Variants in ANK1 observed in about 807,000 individuals in gnomAD.
ANK1 encodes ankyrin-1.
A neutral mutation model predicts 210.4 loss-of-function variants in ANK1; 51 were observed. The ratio of observed to expected loss-of-function variants is 0.24; its 90% CI spans 0.19 to 0.31. ANK1 has a LOEUF of 0.31. ANK1 is among the 10% of genes least tolerant of loss of function. ANK1 has a pLI of 1.00. For synonymous variants in ANK1, 967 were observed against 1,025.9 expected (o/e 0.94, Z 1.10); for missense variants, 2,051 against 2,504.4 (o/e 0.82, Z 3.86).
At chr8:41,811,595 A>T (rs1280887793) in intron 1 of ANK1, among the ~76,000 whole-genome samples, 1 of 152,070 alleles carries the variant, frequency 6.6e-6, no homozygotes, top group Non-Finnish European at 1.5e-5. Flanking sequence ...CCTGGCTCAG[A>T]CTGCCCTCTC....
chr8:41,799,145 A>G (rs918491358), upstream of ANK1, among the ~76,000 whole-genome samples: 5 of 152,152 alleles, frequency 3.3e-5, no homozygotes, highest in African/African-American at 1.2e-4. Context: ...AAGCACTTGG[A>G]CTCAAAACAA....
Position 41,655,403 on chromosome 8 carries a change from A to G in ANK1, c.*387T>C, listed in dbSNP as rs1234591401. 9.6e-6 allele frequency: 3 copies of G among 313,512 alleles called. No homozygotes were observed. The Admixed American group carries it at 1.4e-4, about 14-fold the overall frequency. The allele number at this position is 313,512 out of a possible 1,614,324, so 19.4% of individuals were successfully genotyped here. ...CGAAGTCAAAACAATTTAAAAAAAA[A>G]ACCCCAAAACCAAAACCCATCCCCA... On this transcript the variant is annotated 3_prime_UTR_variant, in exon 43 of 43. Coordinates refer to ENST00000289734, the MANE Select transcript of ANK1 (RefSeq NM_000037.4).
chr8:41,875,060 G>T (rs1438997839), intron 1 of ANK1, among the ~76,000 whole-genome samples: 1 of 152,214 alleles, frequency 6.6e-6, no homozygotes, highest in African/African-American at 2.4e-5. Flanking sequence ...CATATATGGG[G>T]CTGGGATGGG....
chr8:41,762,120 C>T (rs1586773472), intron 1 of ANK1, among the ~76,000 whole-genome samples: 1 of 152,250 alleles, frequency 6.6e-6, no homozygotes, highest in East Asian at 1.9e-4. Context: ...ACTCATCTCG[C>T]TGTCCCCACA....
chr8:41,819,535 C>A (rs1803860918), intron 1 of ANK1, among the ~76,000 whole-genome samples: 1 of 152,220 alleles, frequency 6.6e-6, no homozygotes, highest in African/African-American at 2.4e-5. Context: ...CATGGGGAAC[C>A]TCCAGGCACC....
At chr8:41,729,359 A>C (rs1831527542) in intron 3 of ANK1, among the ~76,000 whole-genome samples, 1 of 152,194 alleles carries the variant, frequency 6.6e-6, no homozygotes, top group Non-Finnish European at 1.5e-5. Flanking sequence ...CTGAGAAATA[A>C]GGCAGGTTCT....
chr8:41,675,164 C>T (rs1813734780), intron 37 of ANK1, among the ~76,000 whole-genome samples: 2 of 152,232 alleles, frequency 1.3e-5, no homozygotes, highest in South Asian at 4.1e-4. Flanking sequence ...AATCTCAGTT[C>T]ACTGTAACCT....
At chr8:41,698,002 T>G (rs1349530371) in intron 24 of ANK1, 41 bp downstream of exon 24, 1 of 1,600,964 alleles carries the variant, frequency 6.2e-7, no homozygotes, top group South Asian at 1.1e-5. Context: ...AGGGTTTTCA[T>G]GCCCTCCATG....
chr8:41,890,719 A>G (rs180712412), intron 1 of ANK1, among the ~76,000 whole-genome samples: 13 of 151,822 alleles, frequency 8.6e-5, no homozygotes, highest in South Asian at 2.1e-4. Context: ...AAAAAAAAAA[A>G]AAAAAAGAAA....
At chr8:41,787,404 C>A (rs1388118350) in intron 1 of ANK1, among the ~76,000 whole-genome samples, 1 of 152,184 alleles carries the variant, frequency 6.6e-6, no homozygotes, top group Non-Finnish European at 1.5e-5. Flanking sequence ...TCAGACCCTG[C>A]CACTTACTGG....
chr8:41,660,551 G>A (rs1431387408), intron 42 of ANK1: 1 of 465,882 alleles, frequency 2.1e-6, no homozygotes, highest in Non-Finnish European at 4.4e-6. Flanking sequence ...GAAGCCCCCA[G>A]CACCACACAC....
At chr8:41,661,981 G>T (rs775235580) in intron 40 of ANK1, 40 bp from the exon 41 acceptor site, 5 of 1,604,538 alleles carry the variant, frequency 3.1e-6, no homozygotes, top group Non-Finnish European at 4.3e-6. Context: ...TGGTCAGGCC[G>T]GGCTCGGGGG....
intron 36 of ANK1, 132 bp from the exon 37 acceptor site, chr8:41,684,822 T>A: frequency 8.5e-7 from 1 of 1,182,562 alleles, no homozygotes; most frequent in Non-Finnish European, 1.2e-6. Flanking sequence ...CACCCTCTTT[T>A]ATTAGAGTCA....
At chr8:41,782,033 T>C (rs1007576643) in intron 1 of ANK1, among the ~76,000 whole-genome samples, 2 of 152,108 alleles carry the variant, frequency 1.3e-5, no homozygotes, top group African/African-American at 4.8e-5. Flanking sequence ...TTTAAATAAC[T>C]GGGATTTTTA....
chr8:41,890,321 A>C (rs2150837110), intron 1 of ANK1, among the ~76,000 whole-genome samples: 1 of 152,366 alleles, frequency 6.6e-6, no homozygotes, highest in South Asian at 2.1e-4. Flanking sequence ...ACTCCATGCC[A>C]GTGTTCTGTA....
rs1234467333 is a variant in ANK1, at chr8:41,704,801, G to A, written c.2098-329C>T. Among the ~76,000 whole-genome samples the A allele has an allele frequency of 6.6e-6, 1 of 152,128 alleles. No homozygotes were observed. The highest frequency in any genetic ancestry group is 1.5e-5 in the Non-Finnish European group (1 of 68,020). ...AAAGTGGAGGGTGAAAAGTGGGGCCGAAGGAGTGAGGCAGAGGCAGAAAAG... is the reference window on the plus strand; with the variant it reads ...AAAGTGGAGGGTGAAAAGTGGGGCCAAAGGAGTGAGGCAGAGGCAGAAAAG... On this transcript the variant is annotated intron_variant, in intron 18 of 42. Coordinates refer to ENST00000289734, the MANE Select transcript of ANK1 (RefSeq NM_000037.4). This position sits in a 1 kb window ranked among gnomAD's most constrained non-coding sequence, Gnocchi z 4.1.
chr8:41,692,737 G>T lies in ANK1; in HGVS notation c.3769C>A (p.Arg1257Ser), dbSNP rs749592270. The change falls in exon 31 of 43, where the codon CGC (arginine) becomes AGC (serine). Residue 1257 changes from arginine (R) to serine (S), a missense_variant. Arg to Ser is a moderately radical substitution (Grantham distance 110, BLOSUM62 -1). Transcript: ENST00000289734. ...KMNDPREGRL[R>S]CYCMTDDKVD... ...TTATCATCTGTCATGCAGTAGCAGCGCAGGCGCCCCTCTCGGGGGTCATTC... is the reference window on the plus strand; with the variant it reads ...TTATCATCTGTCATGCAGTAGCAGCTCAGGCGCCCCTCTCGGGGGTCATTC... The T allele has an allele frequency of 6.2e-7, 1 of 1,613,972 alleles. No individual in the cohort carries two copies.
chr8:41,674,555 T>C (rs1383355217), intron 37 of ANK1, among the ~76,000 whole-genome samples: 1 of 152,206 alleles, frequency 6.6e-6, no homozygotes, highest in Non-Finnish European at 1.5e-5. Context: ...TGAAGAGCTC[T>C]CCAGGTGTGT....
chr8:41,799,735 G>T (rs1438534511), upstream of ANK1, among the ~76,000 whole-genome samples: 1 of 152,042 alleles, frequency 6.6e-6, no homozygotes. Context: ...CCAGAACTAG[G>T]TCACCCCAGG....
Sources: gnomAD v4.1 joint callset for allele counts (sites outside exome capture counted in the v4.1 genomes callset) on GRCh38, gnomAD v4.1.1 for gene constraint, Gnocchi (gnomAD v3.1) non-coding constraint, MANE v1.5 for transcripts, NCBI Gene and HGNC (gene_info 2026-07-23, HGNC 2026-07-21) for gene names.